AOPEP: variants seen among roughly 807,000 people sequenced by gnomAD.
AOPEP encodes the protein aminopeptidase O.
AOPEP carries 77 observed loss-of-function variants against 98.1 expected under a neutral mutation model. The ratio of observed to expected loss-of-function variants is 0.78; its 90% CI spans 0.65 to 0.95. The LOEUF (loss-of-function observed/expected upper bound fraction) is 0.95, where lower values mean the gene tolerates loss of function less well. Among genes scored for constraint, AOPEP ranks in the 40% least tolerant of loss-of-function variants. AOPEP has a pLI of 0.00. For missense variants in AOPEP, 1,024 were observed against 1,024.7 expected, an observed-to-expected ratio of 1.00 and a Z score of 0.01; for synonymous variants, 346 against 365.3, an observed-to-expected ratio of 0.95 and a Z score of 0.60.
intron 4 of AOPEP, among the ~76,000 whole-genome samples, chr9:94,794,465 G>C (rs1320363341): frequency 6.6e-6 from 1 of 152,174 alleles, no homozygotes; most frequent in African/African-American, 2.4e-5. Context: ...TTGTCATGCT[G>C]CTTTTACTAG....
At chr9:95,011,168 G>A (rs2062471497) in intron 13 of AOPEP, among the ~76,000 whole-genome samples, 1 of 148,150 alleles carries the variant, frequency 6.7e-6, no homozygotes, top group South Asian at 2.1e-4. Flanking sequence ...ATTTTTATCT[G>A]TTGTATAGAT....
At chr9:94,928,609 C>T (rs2054765374) in intron 7 of AOPEP, 78 bp downstream of exon 7, 2 of 979,928 alleles carry the variant, frequency 2.0e-6, no homozygotes, top group South Asian at 3.0e-5. Flanking sequence ...CAACTGATGA[C>T]ATCTGCTGTG....
chr9:94,870,414 C>T (rs1325522526), intron 5 of AOPEP, among the ~76,000 whole-genome samples: 1 of 152,206 alleles, frequency 6.6e-6, no homozygotes. Context: ...CTGGCAGATG[C>T]TGAGTGGCTT....
intron 14 of AOPEP, among the ~76,000 whole-genome samples, chr9:95,074,884 GGGAAGAGA>G (rs1260181730): frequency 6.6e-6 from 1 of 152,248 alleles, no homozygotes; most frequent in Non-Finnish European, 1.5e-5. Context: ...CAGCGGCAGA[GGGAAGAGA>G]TGAGCACATC....
chr9:94,797,641 T>A (rs556128529), intron 4 of AOPEP, among the ~76,000 whole-genome samples: 1 of 151,986 alleles, frequency 6.6e-6, no homozygotes, highest in South Asian at 2.1e-4. Flanking sequence ...GATGATTGTA[T>A]ACAGCCTAAA....
At chr9:94,726,919 T>C (rs965055273) in intron 1 of AOPEP, among the ~76,000 whole-genome samples, 168 bp downstream of exon 1, 10 of 152,196 alleles carry the variant, frequency 6.6e-5, no homozygotes, top group Admixed American at 6.5e-4. Flanking sequence ...CCCAGACTCC[T>C]GGGGCTGAAA....
rs375699040 is a variant in AOPEP, at chr9:94,923,163, T to A, written c.1365-823T>A. On this transcript the variant is annotated intron_variant, in intron 5 of 16. Coordinates refer to ENST00000375315, the MANE Select transcript of AOPEP (RefSeq NM_001193329.3). The stretch of plus-strand genomic sequence containing the variant: ...GCTGAAGGAGGAGGCATGGAAGATA[T>A]TTGATGGGCCTCTTTCGTCAGCTCC... 3.3e-4 allele frequency among the ~76,000 whole-genome samples: 51 copies of A among 152,286 alleles called. No homozygotes were observed. In the South Asian group the frequency reaches 9.5e-3, roughly 29 times the overall value.
At chr9:94,989,011 C>T (rs538563289) in intron 11 of AOPEP, among the ~76,000 whole-genome samples, 154 of 151,698 alleles carry the variant, frequency 1.0e-3, no homozygotes, top group Non-Finnish European at 1.8e-3. Flanking sequence ...TGGGTTCAAG[C>T]AATTCTCCTG....
At chr9:94,876,055 A>C (rs772018837) in intron 5 of AOPEP, among the ~76,000 whole-genome samples, 16 of 152,228 alleles carry the variant, frequency 1.1e-4, no homozygotes, top group Non-Finnish European at 2.1e-4. Context: ...AAACCAAACC[A>C]AATGAAACAA....
chr9:94,803,008 G>A (rs897918470), intron 5 of AOPEP, among the ~76,000 whole-genome samples: 2 of 152,054 alleles, frequency 1.3e-5, no homozygotes, highest in Non-Finnish European at 2.9e-5. Context: ...TGGCTACTGG[G>A]GCCCTGCTGC....
At chr9:94,798,742 A>G (rs1847588039) in intron 4 of AOPEP, among the ~76,000 whole-genome samples, 1 of 152,208 alleles carries the variant, frequency 6.6e-6, no homozygotes, top group Admixed American at 6.5e-5. Flanking sequence ...CACATTATAT[A>G]CCTGTGTAAA....
intron 14 of AOPEP, among the ~76,000 whole-genome samples, chr9:95,078,485 G>C (rs2069332929): frequency 6.6e-6 from 1 of 152,258 alleles, no homozygotes; most frequent in African/African-American, 2.4e-5. Flanking sequence ...TTGGTTGTTA[G>C]AACACTTTAA....
intron 11 of AOPEP, among the ~76,000 whole-genome samples, chr9:94,987,440 A>G (rs1025185257): frequency 4.6e-5 from 7 of 152,246 alleles, no homozygotes; most frequent in African/African-American, 7.2e-5. Flanking sequence ...GAACAGCATC[A>G]GGCAGAGTCA....
At chr9:95,043,026 A>T (rs1204983472) in intron 13 of AOPEP, among the ~76,000 whole-genome samples, 4 of 151,968 alleles carry the variant, frequency 2.6e-5, no homozygotes, top group Non-Finnish European at 5.9e-5. Context: ...TAATGTCAGC[A>T]CTTTGGGAGA....
At chr9:95,103,000 A>G in the AOPEP span, among the ~76,000 whole-genome samples, 1 of 152,164 alleles carries the variant, frequency 6.6e-6, no homozygotes, top group African/African-American at 2.4e-5. Context: ...CTGTATTGCT[A>G]TCACTTGGTT....
At chr9:94,786,499 C>T (rs1393440374) in intron 3 of AOPEP, among the ~76,000 whole-genome samples, 2 of 152,186 alleles carry the variant, frequency 1.3e-5, no homozygotes. Flanking sequence ...AATGCATGCT[C>T]TGCTTTCTGG....
the AOPEP span, among the ~76,000 whole-genome samples, chr9:95,128,838 G>GT: frequency 1.3e-5 from 2 of 151,952 alleles, no homozygotes; most frequent in Non-Finnish European, 2.9e-5. Flanking sequence ...TTTAAAACAG[G>GT]TAAGAGGCCA....
intron 9 of AOPEP, among the ~76,000 whole-genome samples, chr9:94,967,465 G>A (rs1348233472): frequency 2.0e-5 from 3 of 152,170 alleles, no homozygotes; most frequent in Non-Finnish European, 4.4e-5. Context: ...TTGATGGCCA[G>A]CCTTTTGAAA....
intron 13 of AOPEP, among the ~76,000 whole-genome samples, chr9:95,031,410 G>A (rs887240994): frequency 6.6e-6 from 1 of 152,072 alleles, no homozygotes; most frequent in Admixed American, 6.5e-5. Flanking sequence ...CATTCTTCAC[G>A]TGTACCCAGA....
Sources: gnomAD v4.1 joint callset for allele counts (sites outside exome capture counted in the v4.1 genomes callset) on GRCh38, gnomAD v4.1.1 for gene constraint, MANE v1.5 for transcripts, NCBI Gene and HGNC (gene_info 2026-07-23, HGNC 2026-07-21) for gene names.